Variants in CSMD3 observed in about 807,000 individuals in gnomAD.
CSMD3 encodes the protein CUB and Sushi multiple domains 3.
In CSMD3, 177 loss-of-function variants were observed where a neutral mutation model predicts 435.2. The observed-to-expected ratio is 0.41, with a 90% confidence interval of 0.36 to 0.46. CSMD3 has a LOEUF of 0.46. Ranked by LOEUF, CSMD3 falls within the 20% of genes least tolerant of loss-of-function variation. CSMD3 has a pLI of 0.34. For missense variants in CSMD3, 4,265 were observed against 4,504.6 expected (o/e 0.95, Z 1.52); for synonymous variants, 1,656 against 1,520.5 (o/e 1.09, Z -2.07).
chr8:112,896,155 T>TG (rs2081944668), intron 10 of CSMD3, among the ~76,000 whole-genome samples: 1 of 151,444 alleles, frequency 6.6e-6, no homozygotes, highest in Non-Finnish European at 1.5e-5. Context: ...AGCTTTTACT[T>TG]GGAGTTTGCC....
At chr8:112,346,294 C>G in intron 40 of CSMD3, 81 bp from the exon 41 acceptor site, 1 of 893,480 alleles carries the variant, frequency 1.1e-6, no homozygotes, top group Non-Finnish European at 1.9e-6. Context: ...AATCATTTCA[C>G]GTTTTCAAGG....
rs2130936268 is a variant in CSMD3 at position 112,976,164 on chromosome 8, G to C, written c.1031-16C>G. ...GTAGAAGAACCTGTGGGACACAGTA[G>C]CACTAGATGCTAACTTTTTCTTTTT... On this transcript the variant is annotated splice_polypyrimidine_tract_variant and intron_variant, in intron 6 of 70. Coordinates refer to ENST00000297405, the MANE Select transcript of CSMD3 (RefSeq NM_198123.2). 6.2e-7 allele frequency: 1 copy of C among 1,612,978 alleles called. No individual in the cohort carries two copies. Among genetic ancestry groups the C allele is most frequent in the East Asian group, 2.2e-5 (1 of 44,864 alleles).
intron 13 of CSMD3, among the ~76,000 whole-genome samples, chr8:112,697,571 C>T (rs1022208245): frequency 4.6e-5 from 7 of 150,876 alleles, no homozygotes; most frequent in African/African-American, 1.7e-4. Flanking sequence ...GGGAACATCA[C>T]ACACCGGGGC....
At position 112,314,606 on chromosome 8, in the gene CSMD3, C is replaced by T. The variant is rs1219977067; in HGVS notation, c.7372G>A (p.Ala2458Thr). The change falls in exon 48 of 71, where the codon GCC becomes ACC. Residue 2458 changes from alanine to threonine, a missense_variant. Transcript: ENST00000297405. ...GTAGAATCTAGCCGTAATTCATTGG[C>T]AGGACAGAGCACTGTCAAAGAAAAA... is the stretch of plus-strand genomic sequence containing the variant. ...APPVCQVLCP[A>T]NELRLDSTGV... The T allele has an allele frequency of 6.2e-7, 1 of 1,611,152 alleles. No homozygotes were observed. The highest frequency in any genetic ancestry group is 8.5e-7 in the Non-Finnish European group (1 of 1,177,664).
chr8:112,556,697 A>T, intron 25 of CSMD3, 66 bp downstream of exon 25: 1 of 1,354,560 alleles, frequency 7.4e-7, no homozygotes, highest in Non-Finnish European at 1.1e-6. Context: ...GAATTTCTTA[A>T]AAATGCAAAG....
In CSMD3 at chr8:113,358,825, T is replaced by C. The variant is rs371030424; in HGVS notation, c.179-44032A>G. On this transcript the variant is annotated intron_variant, in intron 1 of 70. Transcript: ENST00000297405. ...AGATAGTCAAAACTCATAGAGGCAG[T>C]CAAGCATCAGTGATAAGAGTAGTAG... 2.0e-5 allele frequency among the ~76,000 whole-genome samples: 3 copies of C among 151,888 alleles called. No individual in the cohort carries two copies. The South Asian group carries it at 6.2e-4, about 32-fold the overall frequency.
At chr8:113,249,900 G>A (rs1207962777) in intron 3 of CSMD3, among the ~76,000 whole-genome samples, 1 of 151,886 alleles carries the variant, frequency 6.6e-6, no homozygotes. Context: ...GACCAACTGG[G>A]GAACAGTTCT....
At chr8:112,747,181 CCCTTTTTTTTTTTTTT>C in intron 13 of CSMD3, among the ~76,000 whole-genome samples, 1 of 63,652 alleles carries the variant, frequency 1.6e-5, no homozygotes, top group African/African-American at 1.0e-4. Context: ...CTGCACACTT[CCCTTTTTTTTTTTTTT>C]TTTTTTTTTT....
At chr8:112,797,937 T>C (rs2078867112) in intron 13 of CSMD3, among the ~76,000 whole-genome samples, 1 of 151,920 alleles carries the variant, frequency 6.6e-6, no homozygotes, top group African/African-American at 2.4e-5. Context: ...TATAGGTTCA[T>C]TTATTCAGTT....
At chr8:113,359,461 G>C (rs192270665) in intron 1 of CSMD3, among the ~76,000 whole-genome samples, 24 of 152,276 alleles carry the variant, frequency 1.6e-4, no homozygotes, top group Non-Finnish European at 2.8e-4. Flanking sequence ...GAAACAGAGC[G>C]GGGGCAAATT....
chr8:112,941,716 G>C (rs895526203), intron 9 of CSMD3, among the ~76,000 whole-genome samples: 6 of 151,680 alleles, frequency 4.0e-5, no homozygotes. Flanking sequence ...ATGTGTATAT[G>C]TGGATATATA....
chr8:113,395,043 T>C (rs1009900346), intron 1 of CSMD3, among the ~76,000 whole-genome samples: 7 of 152,072 alleles, frequency 4.6e-5, no homozygotes, highest in African/African-American at 1.7e-4. Flanking sequence ...GTCATATACA[T>C]TTCCTTTGAA....
intron 13 of CSMD3, among the ~76,000 whole-genome samples, chr8:112,779,679 T>C (rs2078335001): frequency 6.6e-6 from 1 of 152,118 alleles, no homozygotes; most frequent in Admixed American, 6.6e-5. Flanking sequence ...CTTATTCATA[T>C]AAATAAGTAC....
At chr8:112,556,167 C>T (rs1303155163) in intron 25 of CSMD3, among the ~76,000 whole-genome samples, 2 of 151,812 alleles carry the variant, frequency 1.3e-5, no homozygotes, top group Admixed American at 1.3e-4. Context: ...TCTACCTTCC[C>T]ACCCCCACCT....
Position 112,754,831 on chromosome 8 carries a change from A to G in CSMD3, c.1972+45331T>C, listed in dbSNP as rs571856782. Among the ~76,000 whole-genome samples the G allele has an allele frequency of 5.3e-5, 8 of 152,346 alleles. No individual in the cohort carries two copies. The East Asian group carries it at 1.4e-3, about 26-fold the overall frequency. On this transcript the variant is annotated intron_variant, in intron 13 of 70. Transcript: ENST00000297405. ...GTTACCCTTTTGACTTCAAAGTCTC[A>G]TATGAGCACTTCATATTGGAGAAAT...
At position 113,415,757 on chromosome 8, in the gene CSMD3, G is replaced by T. The variant is rs948015483; in HGVS notation, c.178+20920C>A. On this transcript the variant is annotated intron_variant, in intron 1 of 70. Coordinates refer to ENST00000297405, the MANE Select transcript of CSMD3 (RefSeq NM_198123.2). ...AACAATTTTATTTTCACTTTGGGTA[G>T]GGTTGTCATATGCAGCAGCTGCTTC... 5.9e-4 allele frequency among the ~76,000 whole-genome samples: 89 copies of T among 152,046 alleles called. 1 individual carries two copies. Among genetic ancestry groups the T allele is most frequent in the Non-Finnish European group, 1.9e-4 (13 of 67,946 alleles).
Position 112,264,834 on chromosome 8 carries a change from A to C in CSMD3, c.9688+577T>G, listed in dbSNP as rs531903991. Among the ~76,000 whole-genome samples, 259 of 152,268 alleles carry C rather than the reference A, an allele frequency of 1.7e-3. 2 individuals are homozygous for C. Among genetic ancestry groups the C allele is most frequent in the African/African-American group, 6.0e-3 (248 of 41,582 alleles). ...TTGCATGTACAGTATTCTACAAGTA[A>C]TCATAAAAATTGGCCAAAAAATTTA... On this transcript the variant is annotated intron_variant, in intron 60 of 70. Coordinates refer to ENST00000297405, the MANE Select transcript of CSMD3 (RefSeq NM_198123.2).
chr8:112,695,242 C>T (rs925271456), intron 13 of CSMD3, among the ~76,000 whole-genome samples: 2 of 152,182 alleles, frequency 1.3e-5, no homozygotes, highest in African/African-American at 4.8e-5. Flanking sequence ...TAATTCCACA[C>T]AGACATATCT....
In CSMD3 at chr8:112,755,191, C is replaced by T. The variant is rs1419779472; in HGVS notation, c.1972+44971G>A. ...CTAAAAATACAAAAAATTAGCCGGGCGTGGTGGCGGGCACCTGCAGTCCCA... is the reference window on the plus strand; with the variant it reads ...CTAAAAATACAAAAAATTAGCCGGGTGTGGTGGCGGGCACCTGCAGTCCCA... On this transcript the variant is annotated intron_variant, in intron 13 of 70. Coordinates refer to ENST00000297405, the MANE Select transcript of CSMD3 (RefSeq NM_198123.2). Among the ~76,000 whole-genome samples, 8 of 151,980 alleles carry T rather than the reference C, an allele frequency of 5.3e-5. No homozygotes were observed. The East Asian group carries it at 1.2e-3, about 22-fold the overall frequency.
Sources: gnomAD v4.1 joint callset for allele counts (sites outside exome capture counted in the v4.1 genomes callset) on GRCh38, gnomAD v4.1.1 for gene constraint, MANE v1.5 for transcripts, NCBI Gene and HGNC (gene_info 2026-07-23, HGNC 2026-07-21) for gene names.